The following CLYBL variants were observed in gnomAD, a reference collection of about 807,000 sequenced individuals.
CLYBL encodes the protein citramalyl-CoA lyase, mitochondrial.
In CLYBL, 31 loss-of-function variants were observed where a neutral mutation model predicts 38.9. That is an observed-to-expected ratio of 0.80 (90% CI 0.60 to 1.08). CLYBL has a LOEUF of 1.08. CLYBL is among the 50% of genes least tolerant of loss of function. CLYBL has a pLI of 0.00. For missense variants in CLYBL, 434 were observed against 411.6 expected (o/e 1.05, Z -0.47); for synonymous variants, 171 against 158.6 (o/e 1.08, Z -0.59).
intron 1 of CLYBL, among the ~76,000 whole-genome samples, chr13:99,669,830 A>AT (rs1429777422): frequency 7.2e-5 from 11 of 152,230 alleles, no homozygotes; most frequent in African/African-American, 1.9e-4. Context: ...TTATAGGCAT[A>AT]TTTTTTCATT....
chr13:99,672,447 C>T lies in CLYBL; in HGVS notation c.62+65690C>T, dbSNP rs560215392. Reference sequence around the variant, plus strand: ...AGACATGGAATTGAGAGTCTCTTTTCTCTGTCACCTAGTGTATTTCAGGTC... The same window carrying T: ...AGACATGGAATTGAGAGTCTCTTTTTTCTGTCACCTAGTGTATTTCAGGTC... On this transcript the variant is annotated intron_variant, in intron 1 of 8. Coordinates refer to ENST00000339105, the MANE Select transcript of CLYBL (RefSeq NM_206808.5). Among the ~76,000 whole-genome samples, 3 of 152,152 alleles carry T rather than the reference C, an allele frequency of 2.0e-5. No homozygotes were observed. The East Asian group carries it at 5.8e-4, about 29-fold the overall frequency.
chr13:99,756,738 A>T (rs2049069415), intron 1 of CLYBL, among the ~76,000 whole-genome samples: 1 of 152,082 alleles, frequency 6.6e-6, no homozygotes, highest in South Asian at 2.1e-4. Flanking sequence ...TTCCCACATG[A>T]TCATAATGTT....
intron 2 of CLYBL, among the ~76,000 whole-genome samples, chr13:99,852,162 T>C (rs938496878): frequency 1.3e-5 from 2 of 152,226 alleles, no homozygotes; most frequent in Non-Finnish European, 2.9e-5. Context: ...GAATAGTGGT[T>C]GCCTAGGTCT....
intron 1 of CLYBL, among the ~76,000 whole-genome samples, chr13:99,633,955 C>T (rs2046984633): frequency 1.3e-5 from 2 of 151,958 alleles, no homozygotes; most frequent in Non-Finnish European, 1.5e-5. Context: ...GAGATTAGGG[C>T]AGAAAAAATA....
intron 1 of CLYBL, among the ~76,000 whole-genome samples, chr13:99,670,002 G>C (rs973480420): frequency 2.6e-5 from 4 of 150,976 alleles, no homozygotes; most frequent in African/African-American, 9.8e-5. Context: ...AGACCAGCCT[G>C]GCCAACATAG....
intron 2 of CLYBL, among the ~76,000 whole-genome samples, chr13:99,791,252 G>A (rs2049910058): frequency 6.6e-6 from 1 of 152,056 alleles, no homozygotes; most frequent in African/African-American, 2.4e-5. Flanking sequence ...TCTATCCCAT[G>A]AGGTTGGTGA....
intron 1 of CLYBL, among the ~76,000 whole-genome samples, chr13:99,661,356 C>G (rs540100763): frequency 1.3e-5 from 2 of 152,122 alleles, no homozygotes; most frequent in Admixed American, 6.5e-5. Flanking sequence ...CATGAGGGTA[C>G]AATCAAACAG....
chr13:99,813,620 A>G (rs1046555950), intron 2 of CLYBL, among the ~76,000 whole-genome samples: 31 of 152,308 alleles, frequency 2.0e-4, no homozygotes, highest in African/African-American at 6.7e-4. Flanking sequence ...ACCACTAACT[A>G]ACTGACTTCA....
chr13:99,610,068 A>C (rs1409676641), intron 1 of CLYBL, among the ~76,000 whole-genome samples: 1 of 152,126 alleles, frequency 6.6e-6, no homozygotes, highest in Non-Finnish European at 1.5e-5. Context: ...ATGCCCAGCT[A>C]ATTTTTAAAT....
chr13:99,621,744 A>AT lies in CLYBL; in HGVS notation c.62+14993dup, dbSNP rs1291779906. On this transcript the variant is annotated intron_variant, in intron 1 of 8. Transcript: ENST00000339105. ...TTTGTGAGCTTTCTTAAAACATGAGATTTTTTGGCGATTTTTTTTTTTTTC... is the reference window on the plus strand; with the variant it reads ...TTTGTGAGCTTTCTTAAAACATGAGATTTTTTTGGCGATTTTTTTTTTTTTC... 4.3e-5 allele frequency among the ~76,000 whole-genome samples: 4 copies of AT among 94,086 alleles called. No homozygotes were observed. The Admixed American group carries it at 5.1e-4, about 12-fold the overall frequency. The allele number at this position is 94,086 out of a possible 152,430, so 61.7% of individuals were successfully genotyped here.
chr13:99,772,960 G>A lies in CLYBL; in HGVS notation c.199G>A (p.Val67Ile). ...KKIKKIPSLNVDCAVLDCEDG... is the reference protein window; with the variant it reads ...KKIKKIPSLNIDCAVLDCEDG... Reference sequence around the variant, plus strand: ...AATAAAGAAGATTCCATCCCTGAATGTAGATTGTGCAGTGCTCGACTGTGA... The same window carrying A: ...AATAAAGAAGATTCCATCCCTGAATATAGATTGTGCAGTGCTCGACTGTGA... Residue 67 changes from valine to isoleucine, a missense_variant, in exon 2 of 9, where the codon GTA (valine) becomes ATA (isoleucine). Transcript: ENST00000339105. The A allele has an allele frequency of 6.2e-7, 1 of 1,613,762 alleles. No individual in the cohort carries two copies. The highest frequency in any genetic ancestry group is 8.5e-7 in the Non-Finnish European group (1 of 1,179,962).
intron 2 of CLYBL, among the ~76,000 whole-genome samples, chr13:99,804,598 C>T (rs1265721865): frequency 2.0e-5 from 3 of 152,126 alleles, no homozygotes; most frequent in South Asian, 2.1e-4. Context: ...CTTCCTGTCT[C>T]GCCTGCCTTT....
At chr13:99,754,421 A>C (rs1319555885) in intron 1 of CLYBL, among the ~76,000 whole-genome samples, 1 of 140,264 alleles carries the variant, frequency 7.1e-6, no homozygotes, top group African/African-American at 3.0e-5. Context: ...TGTCTCAAAA[A>C]AAAAAAAAAA....
At chr13:99,851,827 T>A (rs1056940476) in intron 2 of CLYBL, among the ~76,000 whole-genome samples, 1 of 152,176 alleles carries the variant, frequency 6.6e-6, no homozygotes, top group African/African-American at 2.4e-5. Context: ...ACCCAGGAAT[T>A]CTACTTTCTC....
intron 1 of CLYBL, among the ~76,000 whole-genome samples, chr13:99,740,349 C>A (rs1232646516): frequency 6.6e-6 from 1 of 152,196 alleles, no homozygotes; most frequent in Non-Finnish European, 1.5e-5. Flanking sequence ...CAAATGCTGT[C>A]CTGTACCTTG....
chr13:99,845,586 C>T (rs975785380), intron 2 of CLYBL, among the ~76,000 whole-genome samples: 4 of 152,198 alleles, frequency 2.6e-5, no homozygotes, highest in Non-Finnish European at 5.9e-5. Flanking sequence ...TTAGCATTTG[C>T]TCGAGGAAAA....
At chr13:99,803,270 G>C (rs771988114) in intron 2 of CLYBL, among the ~76,000 whole-genome samples, 2 of 152,216 alleles carry the variant, frequency 1.3e-5, no homozygotes, top group African/African-American at 2.4e-5. Flanking sequence ...AATGACAAAA[G>C]GATGTGTTGC....
At chr13:99,673,859 G>A (rs1241172603) in intron 1 of CLYBL, among the ~76,000 whole-genome samples, 1 of 152,204 alleles carries the variant, frequency 6.6e-6, no homozygotes, top group Non-Finnish European at 1.5e-5. Context: ...AGCTGCTGGT[G>A]TCTCAAACTG....
intron 1 of CLYBL, among the ~76,000 whole-genome samples, chr13:99,721,132 C>T (rs2048386451): frequency 6.6e-6 from 1 of 151,994 alleles, no homozygotes; most frequent in African/African-American, 2.4e-5. Context: ...CAACCTCCAC[C>T]TCCCAGGTTC....
Sources: gnomAD v4.1 joint callset for allele counts (sites outside exome capture counted in the v4.1 genomes callset) on GRCh38, gnomAD v4.1.1 for gene constraint, MANE v1.5 for transcripts, NCBI Gene and HGNC (gene_info 2026-07-23, HGNC 2026-07-21) for gene names.